The following PRKACB variants were observed in gnomAD, a reference collection of about 807,000 sequenced individuals.
PRKACB encodes the protein protein kinase cAMP-activated catalytic subunit beta.
Under a neutral mutation model 51.4 loss-of-function variants are expected in PRKACB, and 16 were observed. The observed-to-expected ratio is 0.31, with a 90% CI of 0.21 to 0.47. The LOEUF (loss-of-function observed/expected upper bound fraction) is 0.47. PRKACB is among the 20% of genes least tolerant of loss of function. PRKACB has a pLI of 1.00. For missense variants in PRKACB, 309 were observed against 464.5 expected, an observed-to-expected ratio of 0.67 and a Z score of 3.08; for synonymous variants, 147 against 154.4, an observed-to-expected ratio of 0.95 and a Z score of 0.35.
intron 1 of PRKACB, among the ~76,000 whole-genome samples, chr1:84,081,773 A>T (rs1647555530): frequency 6.6e-6 from 1 of 152,198 alleles, no homozygotes. Context: ...GCTTTGTGTT[A>T]TACATTCATT....
intron 1 of PRKACB, among the ~76,000 whole-genome samples, chr1:84,159,003 C>T (rs1016917803): frequency 2.6e-5 from 4 of 152,236 alleles, no homozygotes; most frequent in Non-Finnish European, 4.4e-5. Flanking sequence ...CATGTCTGTC[C>T]TCATTCCTAT....
rs552221353 is a variant in PRKACB at position 84,219,808 on chromosome 1, G to C, written c.1071+5491G>C. On this transcript the variant is annotated intron_variant, in intron 9 of 9. Coordinates refer to ENST00000370685, the MANE Select transcript of PRKACB (RefSeq NM_182948.4). ...TCTCTATTCTGTTCCATGGGTCTCT[G>C]TGTCTGTTTTTATACCACTACCATG... 4.6e-5 allele frequency among the ~76,000 whole-genome samples: 7 copies of C among 151,932 alleles called. No individual in the cohort carries two copies. In the South Asian group the frequency reaches 1.2e-3, roughly 27 times the overall value.
chr1:84,191,596 A>T (rs537164123), intron 5 of PRKACB, among the ~76,000 whole-genome samples: 79 of 152,230 alleles, frequency 5.2e-4, no homozygotes, highest in Non-Finnish European at 8.7e-4. Flanking sequence ...CAAATACTTC[A>T]TGTTTTTACT....
At chr1:84,200,434 T>C (rs1467950374) in intron 7 of PRKACB, among the ~76,000 whole-genome samples, 1 of 152,148 alleles carries the variant, frequency 6.6e-6, no homozygotes, top group Non-Finnish European at 1.5e-5. Flanking sequence ...ATTCTGTAGG[T>C]TGTCTGTTTA....
At chr1:84,116,617 C>A (rs1650655823) in intron 1 of PRKACB, among the ~76,000 whole-genome samples, 1 of 152,010 alleles carries the variant, frequency 6.6e-6, no homozygotes, top group African/African-American at 2.4e-5. Context: ...TCTTTCTCAG[C>A]TAGATCATTA....
Sources: allele counts gnomAD v4.1 joint callset (sites outside exome capture counted in the v4.1 genomes callset), GRCh38; gene constraint gnomAD v4.1.1; transcripts MANE v1.5; gene names NCBI Gene and HGNC (gene_info 2026-07-23, HGNC 2026-07-21).